The following PSG6 variants were observed in gnomAD, a reference collection of about 807,000 sequenced individuals.
The protein encoded by PSG6 is pregnancy specific beta-1-glycoprotein 6.
A neutral mutation model predicts 43.3 loss-of-function variants in PSG6; 51 were observed. The ratio of observed to expected loss-of-function variants is 1.18; its 90% confidence interval spans 0.94 to 1.49. The LOEUF is 1.49. Ranked by LOEUF, PSG6 falls within the 40% of genes most tolerant of loss-of-function variation. PSG6 has a pLI of 0.00. For synonymous variants in PSG6, 292 were observed against 197.6 expected (o/e 1.48, Z -4.01); for missense variants, 770 against 522.2 (o/e 1.47, Z -4.62).
chr19:42,908,631 C>A (rs550618357), intron 3 of PSG6, among the ~76,000 whole-genome samples: 2 of 151,792 alleles, frequency 1.3e-5, no homozygotes, highest in African/African-American at 4.8e-5. Flanking sequence ...AGGTGAGGAC[C>A]ATGTGGATCT....
chr19:42,915,150 C>G (rs578257091), intron 2 of PSG6, among the ~76,000 whole-genome samples: 3 of 151,470 alleles, frequency 2.0e-5, no homozygotes, highest in Admixed American at 2.0e-4. Context: ...CATGTGACCC[C>G]GATCTCCCCT....
rs201730074 is a variant in PSG6 at position 42,916,418 on chromosome 19, A to G, written c.134T>C (p.Val45Ala). ...QVIIEAKPPK[V>A]SEGKDVLLLV... ...TAGAAGAACATCCTTCCCCTCGGAA[A>G]CTTTGGGTGGCTTGGCTTCAATTAT... Residue 45 changes from valine to alanine, a missense_variant, in exon 2 of 6, where the codon GTT (valine) becomes GCT (alanine). Val to Ala is a moderately conservative substitution (Grantham distance 64). Coordinates refer to ENST00000187910, the MANE Select transcript of PSG6 (RefSeq NM_001031850.4). The G allele has an allele frequency of 6.2e-7, 1 of 1,612,030 alleles. No homozygotes were observed. The highest frequency in any genetic ancestry group is 8.5e-7 in the Non-Finnish European group (1 of 1,179,092).
chr19:42,917,090 A>T (rs531216875), intron 1 of PSG6, among the ~76,000 whole-genome samples: 1 of 150,780 alleles, frequency 6.6e-6, no homozygotes, highest in Non-Finnish European at 1.5e-5. Context: ...TTTTCCCCCA[A>T]TTGTTGAGGT....
chr19:42,914,058 G>A (rs944160051), intron 2 of PSG6, among the ~76,000 whole-genome samples: 1 of 151,462 alleles, frequency 6.6e-6, no homozygotes, highest in African/African-American at 2.4e-5. Context: ...TTTTTTGTGT[G>A]CAGGAGGCCA....
intron 5 of PSG6, 149 bp downstream of exon 5, chr19:42,906,773 T>G: frequency 3.8e-6 from 6 of 1,586,872 alleles, no homozygotes; most frequent in Non-Finnish European, 5.2e-6. Flanking sequence ...TCTGTAGAGA[T>G]AAGTTGGGAG....
Position 42,916,151 on chromosome 19 carries a change from G to A in PSG6, c.401C>T (p.Thr134Ile), listed in dbSNP as rs1307021852. The A allele has an allele frequency of 6.2e-7, 1 of 1,611,796 alleles. No homozygotes were observed. Among genetic ancestry groups the A allele is most frequent in the African/African-American group, 1.3e-5 (1 of 74,712 alleles). ...GTATAAGGTGACAGTGAAATATCCA[G>A]TTACTCCTCCAGTCCCATCGCCTCG... ...IKRGDGTGGV[T>I]GYFTVTLYSE... Residue 134 changes from threonine to isoleucine, a missense_variant, in exon 2 of 6, where the codon ACT becomes ATT. Coordinates refer to ENST00000187910, the MANE Select transcript of PSG6 (RefSeq NM_001031850.4).
intron 1 of PSG6, among the ~76,000 whole-genome samples, chr19:42,917,398 C>G (rs1972358103): frequency 1.5e-5 from 2 of 135,100 alleles, no homozygotes; most frequent in Admixed American, 1.6e-4. Flanking sequence ...GAGTCTCGTA[C>G]TGTCACCCAG....
chr19:42,912,920 A>G (rs1353802196), intron 2 of PSG6, among the ~76,000 whole-genome samples: 2 of 151,698 alleles, frequency 1.3e-5, no homozygotes, highest in Non-Finnish European at 2.9e-5. Flanking sequence ...ATTCCCGTTA[A>G]GTGTATGTGA....
chr19:42,910,391 C>T (rs1972195556), intron 3 of PSG6, 189 bp downstream of exon 3: 1 of 1,441,432 alleles, frequency 6.9e-7, no homozygotes, highest in African/African-American at 1.4e-5. Flanking sequence ...CAGGAGAAGC[C>T]TCTTCTCTCT....
Position 42,917,775 on chromosome 19 carries a change from G to A in PSG6, c.18C>T (p.Ala6=), listed in dbSNP as rs1972366908. Residue 6 remains alanine (A), a synonymous_variant, in exon 1 of 6, where the codon GCC becomes GCT. Coordinates refer to ENST00000187910, the MANE Select transcript of PSG6 (RefSeq NM_001031850.4). ...AGGTGATGTGCTGAGTGCAGGGAGG[G>A]GCTGAGAGGGGTCCCATGGTCTCTG... MGPLS[A]PPCTQHITWK... is the part of the protein sequence containing the mutation. 3 of 1,609,984 alleles carry A rather than the reference G, an allele frequency of 1.9e-6. No individual in the cohort carries two copies. Among genetic ancestry groups the A allele is most frequent in the Admixed American group, 1.7e-5 (1 of 59,808 alleles).
chr19:42,911,431 G>C (rs543208437), intron 2 of PSG6, among the ~76,000 whole-genome samples: 7 of 151,028 alleles, frequency 4.6e-5, no homozygotes, highest in South Asian at 4.2e-4. Context: ...TCAGGCAGTG[G>C]AGCCACAAGG....
intron 5 of PSG6, among the ~76,000 whole-genome samples, chr19:42,902,740 A>G (rs1391309023): frequency 6.6e-6 from 1 of 150,700 alleles, no homozygotes; most frequent in Admixed American, 6.7e-5. Flanking sequence ...ATTCCCTCAC[A>G]GGTGTCTTCC....
At chr19:42,903,972 GTA>G (rs1972074831) in intron 5 of PSG6, among the ~76,000 whole-genome samples, 1 of 151,476 alleles carries the variant, frequency 6.6e-6, no homozygotes, top group African/African-American at 2.4e-5. Context: ...GATTATGAAA[GTA>G]CTATAAATAA....
intron 2 of PSG6, 34 bp downstream of exon 2, chr19:42,916,091 C>A: frequency 1.9e-6 from 3 of 1,606,676 alleles, no homozygotes; most frequent in South Asian, 2.2e-5. Context: ...GACCCCTGCC[C>A]CCCAACACCC....
chr19:42,917,761 T>A lies in PSG6; in HGVS notation c.32A>T (p.Gln11Leu). The A allele has an allele frequency of 6.2e-7, 1 of 1,610,394 alleles. No homozygotes were observed. Among genetic ancestry groups the A allele is most frequent in the Non-Finnish European group, 8.5e-7 (1 of 1,178,026 alleles). The change falls in exon 1 of 6, where the codon CAG becomes CTG. Residue 11 changes from glutamine (Q) to leucine (L), a missense_variant. By Grantham distance (113) the Gln-to-Leu change is moderately radical. Transcript: ENST00000187910. ...CAGGAGCCCCTTCCAGGTGATGTGC[T>A]GAGTGCAGGGAGGGGCTGAGAGGGG... is the stretch of plus-strand genomic sequence containing the variant. MGPLSAPPCTQHITWKGLLLT... is the reference protein window; with the variant it reads MGPLSAPPCTLHITWKGLLLT...
chr19:42,902,723 G>A (rs1332265519), intron 5 of PSG6, among the ~76,000 whole-genome samples: 1 of 151,178 alleles, frequency 6.6e-6, no homozygotes, highest in Non-Finnish European at 1.5e-5. Flanking sequence ...CTTCATGCCT[G>A]CCCCACATTC....
At chr19:42,916,094 C>A (rs376970468) in intron 2 of PSG6, 31 bp downstream of exon 2, 2 of 1,607,228 alleles carry the variant, frequency 1.2e-6, no homozygotes, top group Non-Finnish European at 1.7e-6. Flanking sequence ...CCCTGCCCCC[C>A]AACACCCAGG....
Position 42,907,965 on chromosome 19 carries a change from C to T in PSG6, c.707-111G>A, listed in dbSNP as rs1315435384. On this transcript the variant is annotated intron_variant, in intron 3 of 5. Transcript: ENST00000187910. ...GTCAACCCACATGAGTCCTTGAAAG[C>T]CAGTAGCTGGTGCATGTGTCACAAG... 11 of 1,458,600 alleles carry T rather than the reference C, an allele frequency of 7.5e-6. 2 individuals are homozygous for T. Among genetic ancestry groups the T allele is most frequent in the South Asian group, 2.6e-5 (2 of 76,970 alleles). The allele number at this position is 1,458,600 out of a possible 1,614,324, so 90.4% of individuals were successfully genotyped here.
Position 42,910,467 on chromosome 19 carries a change from G to A in PSG6, c.706+113C>T, listed in dbSNP as rs757012211. The A allele has an allele frequency of 9.9e-6, 16 of 1,610,404 alleles. 1 individual carries two copies. The highest frequency in any genetic ancestry group is 4.5e-5 in the East Asian group (2 of 44,766). ...GCAGAAAGTCATGGCCAGCTTTGAT[G>A]TTCAGGGATAAAGGTCTCTGTACTT... On this transcript the variant is annotated intron_variant, in intron 3 of 5. Transcript: ENST00000187910.
Sources: gnomAD v4.1 joint callset for allele counts (sites outside exome capture counted in the v4.1 genomes callset) on GRCh38, gnomAD v4.1.1 for gene constraint, MANE v1.5 for transcripts, NCBI Gene and HGNC (gene_info 2026-07-23, HGNC 2026-07-21) for gene names.